The following PRKD1 variants were observed in gnomAD, a reference collection of about 807,000 sequenced individuals.
The protein encoded by PRKD1 is protein kinase D1.
PRKD1 carries 63 observed loss-of-function variants against 95.9 expected under a neutral mutation model. The ratio of observed to expected loss-of-function variants is 0.66; its 90% CI spans 0.54 to 0.81. PRKD1 has a LOEUF of 0.81. PRKD1 is among the 30% of genes least tolerant of loss of function. PRKD1 has a pLI of 0.00. For synonymous variants in PRKD1, 425 were observed against 423.1 expected, an observed-to-expected ratio of 1.00 and a Z score of -0.05; for missense variants, 1,048 against 1,165.3, an observed-to-expected ratio of 0.90 and a Z score of 1.47.
chr14:29,668,201 C>T (rs17115183), intron 2 of PRKD1, among the ~76,000 whole-genome samples: 73,893 of 151,984 alleles, frequency 0.49, 19,599 homozygotes, highest in African/African-American at 0.71. Context: ...ATGCATGCCA[C>T]CTCGCCTAAT....
intron 1 of PRKD1, among the ~76,000 whole-genome samples, chr14:29,871,615 G>A (rs1893111419): frequency 6.6e-6 from 1 of 152,204 alleles, no homozygotes; most frequent in African/African-American, 2.4e-5. Context: ...ATTAATAAAT[G>A]AGATAATATG....
At chr14:29,577,485 T>A in intron 17 of PRKD1, 29 bp from the exon 18 acceptor site, 2 of 1,579,868 alleles carry the variant, frequency 1.3e-6, no homozygotes, top group Non-Finnish European at 1.7e-6. Context: ...AATATTACCA[T>A]AGAGATCATT....
At chr14:29,657,555 C>A (rs147061012) in intron 4 of PRKD1, 1 of 152,304 alleles carries the variant, frequency 6.6e-6, no homozygotes, top group East Asian at 1.9e-4. Context: ...TCTACCAAGA[C>A]TGATTGGTTA....
intron 2 of PRKD1, among the ~76,000 whole-genome samples, chr14:29,715,818 T>C (rs1885578102): frequency 6.6e-6 from 1 of 152,210 alleles, no homozygotes; most frequent in African/African-American, 2.4e-5. Context: ...CTTTCATTTT[T>C]GACATGGATT....
chr14:29,894,724 G>A (rs1177947887), intron 1 of PRKD1, among the ~76,000 whole-genome samples: 2 of 152,164 alleles, frequency 1.3e-5, no homozygotes, highest in African/African-American at 4.8e-5. Flanking sequence ...ACATGGTGGA[G>A]AGAGGATGGA....
intron 1 of PRKD1, among the ~76,000 whole-genome samples, chr14:29,866,848 T>C (rs1892925774): frequency 6.6e-6 from 1 of 152,140 alleles, no homozygotes; most frequent in South Asian, 2.1e-4. Flanking sequence ...GAGCACCGGA[T>C]TTTGTTTTAT....
At chr14:29,667,577 G>C (rs985374032) in intron 2 of PRKD1, among the ~76,000 whole-genome samples, 1 of 152,152 alleles carries the variant, frequency 6.6e-6, no homozygotes, top group Non-Finnish European at 1.5e-5. Context: ...TGGTCAAAAT[G>C]TGTCCAATTG....
intron 1 of PRKD1, among the ~76,000 whole-genome samples, chr14:29,760,288 G>A (rs536497012): frequency 1.1e-4 from 16 of 150,398 alleles, no homozygotes; most frequent in Admixed American, 2.0e-4. Flanking sequence ...TTAAAACAGC[G>A]TCTGGATTTT....
At chr14:29,857,325 TA>T (rs1406690978) in intron 1 of PRKD1, among the ~76,000 whole-genome samples, 2 of 151,742 alleles carry the variant, frequency 1.3e-5, no homozygotes, top group East Asian at 3.9e-4. Context: ...AGGCAGAAAA[TA>T]AAAATGCATG....
chr14:29,775,737 A>C (rs1397471600), intron 1 of PRKD1, among the ~76,000 whole-genome samples: 2 of 152,126 alleles, frequency 1.3e-5, no homozygotes, highest in Admixed American at 6.6e-5. Flanking sequence ...TAGCTGAATA[A>C]AAGGCAGCAG....
chr14:29,723,954 T>C (rs1267317928), intron 2 of PRKD1, among the ~76,000 whole-genome samples: 3 of 151,624 alleles, frequency 2.0e-5, no homozygotes, highest in East Asian at 1.9e-4. Context: ...GCAGGGGAGG[T>C]AGGGCATACG....
chr14:29,824,835 T>C (rs975689076), intron 1 of PRKD1, among the ~76,000 whole-genome samples: 1 of 152,040 alleles, frequency 6.6e-6, no homozygotes, highest in Non-Finnish European at 1.5e-5. Context: ...TACTTATATA[T>C]ATATATTTTT....
At chr14:29,808,269 T>G (rs573213769) in intron 1 of PRKD1, among the ~76,000 whole-genome samples, 1 of 151,186 alleles carries the variant, frequency 6.6e-6, no homozygotes, top group East Asian at 2.0e-4. Context: ...TTCTAGATTC[T>G]ATCAAAAGAA....
chr14:29,758,948 T>G (rs1382563967), intron 1 of PRKD1, among the ~76,000 whole-genome samples: 1 of 152,246 alleles, frequency 6.6e-6, no homozygotes, highest in South Asian at 2.1e-4. Flanking sequence ...CTAGAGAGTT[T>G]CTATACTTAC....
chr14:29,660,991 T>C (rs943885736), intron 4 of PRKD1, among the ~76,000 whole-genome samples: 2 of 152,176 alleles, frequency 1.3e-5, no homozygotes, highest in Non-Finnish European at 2.9e-5. Flanking sequence ...AGATGGACTG[T>C]TTTATGGATA....
chr14:29,598,333 G>A (rs1178843757), intron 15 of PRKD1, among the ~76,000 whole-genome samples: 1 of 150,136 alleles, frequency 6.7e-6, no homozygotes, highest in Non-Finnish European at 1.5e-5. Context: ...AAAAATAAAT[G>A]AAAAAATAAA....
At chr14:29,875,510 T>C (rs566387591) in intron 1 of PRKD1, among the ~76,000 whole-genome samples, 1 of 152,370 alleles carries the variant, frequency 6.6e-6, no homozygotes, top group African/African-American at 2.4e-5. Context: ...CTGTTATTGT[T>C]GGCATAATAT....
chr14:29,645,305 T>C (rs73255548), intron 4 of PRKD1, among the ~76,000 whole-genome samples: 3,386 of 152,240 alleles, frequency 0.022, 113 homozygotes, highest in African/African-American at 0.072. Context: ...AGCTTGTCTG[T>C]GCTTAGATGA....
chr14:29,779,192 G>C (rs576944279), intron 1 of PRKD1, among the ~76,000 whole-genome samples: 1 of 152,266 alleles, frequency 6.6e-6, no homozygotes, highest in Admixed American at 6.5e-5. Flanking sequence ...TACTGAATGG[G>C]CAAAAACGGG....
Sources: allele counts gnomAD v4.1 joint callset (sites outside exome capture counted in the v4.1 genomes callset), GRCh38; gene constraint gnomAD v4.1.1; transcripts MANE v1.5; gene names NCBI Gene and HGNC (gene_info 2026-07-23, HGNC 2026-07-21).